The following CDH12 variants were observed in gnomAD, a reference collection of about 807,000 sequenced individuals.
The protein encoded by CDH12 is cadherin 12, also known as cadherin-12.
CDH12 carries 41 observed loss-of-function variants against 74.1 expected under a neutral mutation model. The observed-to-expected ratio is 0.55, with a 90% CI of 0.43 to 0.72. The LOEUF is 0.72. Ranked by LOEUF, CDH12 falls within the 30% of genes least tolerant of loss-of-function variation. The pLI, the probability that CDH12 is intolerant of heterozygous loss-of-function variation, is 0.00. For missense variants in CDH12, 945 were observed against 977.2 expected (o/e 0.97, Z 0.44); for synonymous variants, 399 against 355.0 (o/e 1.12, Z -1.39).
chr5:21,883,396 A>G, intron 6 of CDH12: 2 of 1,543,374 alleles, frequency 1.3e-6, no homozygotes, highest in Non-Finnish European at 1.8e-6. Flanking sequence ...GCTCACCATA[A>G]GCCTTTGGTG....
chr5:22,439,791 T>A (rs957964812), intron 2 of CDH12, among the ~76,000 whole-genome samples: 3 of 152,128 alleles, frequency 2.0e-5, no homozygotes, highest in Admixed American at 1.3e-4. Context: ...CTAAAGAATC[T>A]GATAAGTTCT....
At chr5:22,474,892 AATT>A (rs1746106302) in intron 2 of CDH12, among the ~76,000 whole-genome samples, 3 of 152,026 alleles carry the variant, frequency 2.0e-5, no homozygotes, top group Non-Finnish European at 4.4e-5. Flanking sequence ...CATTAGTAAT[AATT>A]AATGAACCAA....
intron 5 of CDH12, among the ~76,000 whole-genome samples, chr5:22,077,055 TGTGTGTG>T (rs1742375517): frequency 1.3e-5 from 1 of 79,648 alleles, no homozygotes; most frequent in African/African-American, 6.2e-5. Context: ...GCAGTGTGTG[TGTGTGTG>T]TGTGTGTGTG....
intron 1 of CDH12, among the ~76,000 whole-genome samples, chr5:22,791,471 A>G (rs1036873928): frequency 1.3e-5 from 2 of 152,212 alleles, no homozygotes; most frequent in Non-Finnish European, 2.9e-5. Flanking sequence ...ATGCCTTAAA[A>G]AAGAAATATG....
At chr5:22,744,907 T>C (rs1341395589) in intron 1 of CDH12, among the ~76,000 whole-genome samples, 1 of 152,036 alleles carries the variant, frequency 6.6e-6, no homozygotes, top group African/African-American at 2.4e-5. Context: ...ATAATAATAG[T>C]AAATTCCTAA....
At chr5:22,447,793 T>C (rs1178000482) in intron 2 of CDH12, among the ~76,000 whole-genome samples, 1 of 151,892 alleles carries the variant, frequency 6.6e-6, no homozygotes, top group African/African-American at 2.4e-5. Context: ...ACAACATATC[T>C]GGAAAACAAG....
intron 1 of CDH12, among the ~76,000 whole-genome samples, chr5:22,530,799 TTTA>T (rs1737550993): frequency 6.6e-6 from 1 of 152,126 alleles, no homozygotes; most frequent in Non-Finnish European, 1.5e-5. Flanking sequence ...TATAGGCATA[TTTA>T]TTATTATTAA....
At chr5:22,313,799 C>A (rs752105299) in intron 3 of CDH12, among the ~76,000 whole-genome samples, 5 of 151,886 alleles carry the variant, frequency 3.3e-5, no homozygotes, top group African/African-American at 4.8e-5. Context: ...GCATGCAGAG[C>A]GATATAATGA....
chr5:22,375,318 TAAG>T (rs1456637467), intron 3 of CDH12, among the ~76,000 whole-genome samples: 1 of 152,024 alleles, frequency 6.6e-6, no homozygotes, highest in African/African-American at 2.4e-5. Context: ...GACTTACACA[TAAG>T]AACTGAAACT....
At chr5:22,440,929 T>C (rs1455191910) in intron 2 of CDH12, among the ~76,000 whole-genome samples, 1 of 152,146 alleles carries the variant, frequency 6.6e-6, no homozygotes, top group Non-Finnish European at 1.5e-5. Context: ...AATCAGCCTA[T>C]GTAAAAGTGC....
chr5:22,594,870 T>A (rs1454928005), intron 1 of CDH12, among the ~76,000 whole-genome samples: 1 of 152,182 alleles, frequency 6.6e-6, no homozygotes, highest in African/African-American at 2.4e-5. Flanking sequence ...TAGTGCAAAA[T>A]GTATGCTTCT....
At chr5:21,910,895 A>G (rs1753833396) in intron 6 of CDH12, among the ~76,000 whole-genome samples, 4 of 152,106 alleles carry the variant, frequency 2.6e-5, no homozygotes, top group Admixed American at 2.6e-4. Flanking sequence ...CCCAGAGGGT[A>G]AGGGAGCTAG....
chr5:21,883,504 T>C, intron 6 of CDH12: 1 of 1,612,960 alleles, frequency 6.2e-7, no homozygotes, highest in Non-Finnish European at 8.5e-7. Flanking sequence ...GCTCCAGGGT[T>C]TGGTGACAAT....
intron 1 of CDH12, among the ~76,000 whole-genome samples, chr5:22,817,391 T>A (rs1243143402): frequency 6.6e-6 from 1 of 152,092 alleles, no homozygotes; most frequent in Non-Finnish European, 1.5e-5. Context: ...AGCATCAAAC[T>A]AAAAATTTCA....
At chr5:22,114,000 G>A (rs947044281) in intron 4 of CDH12, among the ~76,000 whole-genome samples, 1 of 152,132 alleles carries the variant, frequency 6.6e-6, no homozygotes, top group African/African-American at 2.4e-5. Flanking sequence ...ATGACATCAG[G>A]TGGCATCTCT....
At position 22,486,842 on chromosome 5, in the gene CDH12, A is replaced by C. The variant is rs141306775; in HGVS notation, c.-428+18428T>G. ...GACATAATTATGGGTAATTATGATG[A>C]TACATAATCATTAGTTGCACAGTGA... On this transcript the variant is annotated intron_variant, in intron 2 of 14. Coordinates refer to ENST00000382254, the MANE Select transcript of CDH12 (RefSeq NM_004061.5). 2.7e-3 allele frequency among the ~76,000 whole-genome samples: 409 copies of C among 152,198 alleles called. 3 individuals carry two copies. Among genetic ancestry groups the C allele is most frequent in the African/African-American group, 9.3e-3 (387 of 41,518 alleles).
intron 6 of CDH12, among the ~76,000 whole-genome samples, chr5:21,878,808 GAAA>G (rs1752080398): frequency 8.6e-6 from 1 of 115,696 alleles, no homozygotes; most frequent in Admixed American, 9.4e-5. Flanking sequence ...AAAGAAGAAA[GAAA>G]GAAAGAAAGA....
At chr5:22,586,504 TAA>T (rs869065479) in intron 1 of CDH12, among the ~76,000 whole-genome samples, 3 of 147,130 alleles carry the variant, frequency 2.0e-5, no homozygotes, top group Admixed American at 6.9e-5. Context: ...TATATATATA[TAA>T]ATAAAAATAA....
intron 1 of CDH12, among the ~76,000 whole-genome samples, chr5:22,743,868 C>T (rs1222659999): frequency 1.3e-5 from 2 of 151,402 alleles, no homozygotes; most frequent in Non-Finnish European, 1.5e-5. Flanking sequence ...TCTCTGGCTA[C>T]CTAAAGGTTT....
Sources: allele counts gnomAD v4.1 joint callset (sites outside exome capture counted in the v4.1 genomes callset), GRCh38; gene constraint gnomAD v4.1.1; transcripts MANE v1.5; gene names NCBI Gene and HGNC (gene_info 2026-07-23, HGNC 2026-07-21).